Variants in GALNT2 observed in about 807,000 individuals in gnomAD.
The protein encoded by GALNT2 is UDP-GalNAc:polypeptide N-acetylgalactosaminyltransferase 2.
A neutral mutation model predicts 81.4 loss-of-function variants in GALNT2; 31 were observed. The observed-to-expected ratio is 0.38, with a 90% confidence interval of 0.29 to 0.51. GALNT2 has a LOEUF of 0.51. Ranked by LOEUF, GALNT2 falls within the 20% of genes least tolerant of loss-of-function variation. The pLI is 0.87. For synonymous variants in GALNT2, 303 were observed against 287.4 expected (o/e 1.05, Z -0.55); for missense variants, 629 against 765.7 (o/e 0.82, Z 2.11).
intron 1 of GALNT2, among the ~76,000 whole-genome samples, chr1:230,076,692 T>C (rs1201724462): frequency 6.6e-6 from 1 of 152,152 alleles, no homozygotes; most frequent in African/African-American, 2.4e-5. Flanking sequence ...CAGGTGCTTT[T>C]CATAGAGGCC....
At chr1:230,069,250 A>G (rs1427903043) in intron 1 of GALNT2, among the ~76,000 whole-genome samples, 1 of 142,714 alleles carries the variant, frequency 7.0e-6, no homozygotes, top group Admixed American at 6.7e-5. Context: ...GAAGTGTGTG[A>G]TTCTTAGTTT....
intron 13 of GALNT2, chr1:230,264,972 CAAAAAAAAA>C (rs67239229): frequency 0.13 from 21,587 of 170,962 alleles, 1,538 homozygotes; most frequent in East Asian, 0.43. Flanking sequence ...CCTTCCTTTC[CAAAAAAAAA>C]AAAAAAAAAA....
chr1:230,202,452 CA>C (rs1478375721), intron 2 of GALNT2, among the ~76,000 whole-genome samples: 1 of 152,178 alleles, frequency 6.6e-6, no homozygotes, highest in East Asian at 1.9e-4. Context: ...GGGTTCAGGC[CA>C]ATGCCAGGGG....
At chr1:230,252,598 T>C (rs1340495354) in intron 10 of GALNT2, among the ~76,000 whole-genome samples, 1 of 152,162 alleles carries the variant, frequency 6.6e-6, no homozygotes, top group Non-Finnish European at 1.5e-5. Flanking sequence ...ACTGCCTAAT[T>C]AAAAAGCCAT....
intron 1 of GALNT2, among the ~76,000 whole-genome samples, chr1:230,157,862 G>A (rs996633820): frequency 5.3e-5 from 8 of 152,218 alleles, no homozygotes; most frequent in Non-Finnish European, 7.3e-5. Flanking sequence ...AGTTTTGGAG[G>A]ATGGTGGCAC....
chr1:230,128,197 C>A (rs1335023715), intron 1 of GALNT2, among the ~76,000 whole-genome samples: 1 of 152,138 alleles, frequency 6.6e-6, no homozygotes, highest in Admixed American at 6.5e-5. Context: ...TATAGCATAG[C>A]CTCTCTGTCA....
At chr1:230,090,404 GC>G (rs1363776319) in intron 1 of GALNT2, among the ~76,000 whole-genome samples, 1 of 152,186 alleles carries the variant, frequency 6.6e-6, no homozygotes, top group East Asian at 1.9e-4. Context: ...ACACAGCAGA[GC>G]CTGCTGCCCC....
chr1:230,135,931 G>A (rs60263715), intron 1 of GALNT2, among the ~76,000 whole-genome samples: 7,523 of 151,824 alleles, frequency 0.05, 521 homozygotes, highest in East Asian at 0.32. Flanking sequence ...GGTCTCAGGC[G>A]AGCTCCCCAC....
intron 1 of GALNT2, among the ~76,000 whole-genome samples, chr1:230,083,607 A>G (rs2102757080): frequency 6.6e-6 from 1 of 152,318 alleles, no homozygotes; most frequent in East Asian, 1.9e-4. Flanking sequence ...TGCTTGCATT[A>G]TGTTAAAATG....
At chr1:230,125,691 A>ACCTT (rs1661152191) in intron 1 of GALNT2, among the ~76,000 whole-genome samples, 1 of 123,640 alleles carries the variant, frequency 8.1e-6, no homozygotes, top group African/African-American at 3.0e-5. Context: ...AGGCAGTGAG[A>ACCTT]AACTGTTAAG....
At chr1:230,094,630 C>T (rs1660191461) in intron 1 of GALNT2, among the ~76,000 whole-genome samples, 1 of 152,176 alleles carries the variant, frequency 6.6e-6, no homozygotes, top group South Asian at 2.1e-4. Flanking sequence ...AAGAATGAAA[C>T]TCCGTCTCAA....
chr1:230,202,424 C>A (rs1663919829), intron 2 of GALNT2, among the ~76,000 whole-genome samples: 1 of 152,178 alleles, frequency 6.6e-6, no homozygotes, highest in Admixed American at 6.5e-5. Flanking sequence ...CTTGGAGAAC[C>A]TTGTGCCTGG....
At chr1:230,242,522 A>ATTTAT (rs1385604325) in intron 6 of GALNT2, among the ~76,000 whole-genome samples, 1 of 151,940 alleles carries the variant, frequency 6.6e-6, no homozygotes, top group Non-Finnish European at 1.5e-5. Context: ...ATATACTATT[A>ATTTAT]TTTATTTTAT....
rs1210673675 is a variant in GALNT2, at chr1:230,254,909, A to G, written c.1010-309A>G. ...CTTATGCCAAGAGGCCTTTATATTT[A>G]CAGTAGACCAAGAAGCATTCTTGTC... On this transcript the variant is annotated intron_variant, in intron 10 of 15. Coordinates refer to ENST00000366672, the MANE Select transcript of GALNT2 (RefSeq NM_004481.5). 2.0e-5 allele frequency among the ~76,000 whole-genome samples: 3 copies of G among 152,230 alleles called. No homozygotes were observed. The East Asian group carries it at 5.8e-4, about 29-fold the overall frequency.
rs1666384102 is a variant in GALNT2 at position 230,279,683 on chromosome 1, C to T, written c.*225C>T. 3.4e-6 allele frequency: 2 copies of T among 595,164 alleles called. No individual in the cohort carries two copies. The highest frequency in any genetic ancestry group is 3.0e-6 in the Non-Finnish European group (1 of 337,390). The allele number at this position is 595,164 out of a possible 1,614,324, so 36.9% of individuals were successfully genotyped here. On this transcript the variant is annotated 3_prime_UTR_variant, in exon 16 of 16. Transcript: ENST00000366672. This position sits in a 1 kb window ranked among gnomAD's most constrained non-coding sequence, Gnocchi z 4.6. ...CTCCTCTCGGTGCAGCCCAGCCGGG[C>T]CCCCTTCCCCAGGCCGGAGCGCCCC...
chr1:230,197,526 A>C (rs1663737232), intron 2 of GALNT2, among the ~76,000 whole-genome samples: 1 of 152,182 alleles, frequency 6.6e-6, no homozygotes, highest in African/African-American at 2.4e-5. Context: ...GTGAGGGCAT[A>C]GGGGGTTACA....
At chr1:230,108,197 G>T (rs181632968) in intron 1 of GALNT2, among the ~76,000 whole-genome samples, 20 of 152,344 alleles carry the variant, frequency 1.3e-4, no homozygotes, top group African/African-American at 4.8e-4. Context: ...AAAGAGCACA[G>T]TCCTGAAAGA....
At chr1:230,076,135 G>A (rs933060971) in intron 1 of GALNT2, among the ~76,000 whole-genome samples, 6 of 152,238 alleles carry the variant, frequency 3.9e-5, no homozygotes, top group South Asian at 4.1e-4. Context: ...TCTCATAATC[G>A]CTTCCCTTAC....
intron 3 of GALNT2, among the ~76,000 whole-genome samples, chr1:230,208,439 G>A (rs1454020961): frequency 6.6e-6 from 1 of 152,150 alleles, no homozygotes; most frequent in Non-Finnish European, 1.5e-5. Context: ...ACATGTTAAT[G>A]CTGCTCAGTG....
Sources: allele counts gnomAD v4.1 joint callset (sites outside exome capture counted in the v4.1 genomes callset), GRCh38; gene constraint gnomAD v4.1.1; non-coding constraint Gnocchi (gnomAD v3.1); transcripts MANE v1.5; gene names NCBI Gene and HGNC (gene_info 2026-07-23, HGNC 2026-07-21).